Variants in GPR149 observed in about 807,000 individuals in gnomAD.
GPR149 encodes G protein-coupled receptor 149, also known as probable G protein-coupled receptor 149.
In GPR149, 50 loss-of-function variants were observed where a neutral mutation model predicts 50.2. The observed-to-expected ratio is 1.00, with a 90% confidence interval of 0.79 to 1.26. The LOEUF (loss-of-function observed/expected upper bound fraction) is 1.26, where lower values mean the gene tolerates loss of function less well. Among genes scored for constraint, GPR149 ranks in the 50% most tolerant of loss-of-function variants. The pLI is 0.00. For synonymous variants in GPR149, 405 were observed against 358.2 expected, an observed-to-expected ratio of 1.13 and a Z score of -1.48; for missense variants, 983 against 895.4, an observed-to-expected ratio of 1.10 and a Z score of -1.25.
chr3:154,422,013 T>C lies in GPR149; in HGVS notation c.1175-526A>G, dbSNP rs115854783. Among the ~76,000 whole-genome samples the C allele has an allele frequency of 9.9e-3, 1,506 of 151,824 alleles. 13 individuals are homozygous for C. The highest frequency in any genetic ancestry group is 0.03 in the South Asian group (144 of 4,826). ...TGTCATTTATATGTCTATAAGTGCA[T>C]ACATTAAAAATTAGACTATACTGCA... On this transcript the variant is annotated intron_variant, in intron 2 of 3. Transcript: ENST00000389740.
At chr3:154,414,358 A>G (rs955425362) in intron 3 of GPR149, among the ~76,000 whole-genome samples, 3 of 152,194 alleles carry the variant, frequency 2.0e-5, no homozygotes, top group Non-Finnish European at 2.9e-5. Flanking sequence ...ATCAGGAATC[A>G]TGTATAAAAA....
At chr3:154,352,866 A>C in intron 3 of GPR149, 1 of 941,860 alleles carries the variant, frequency 1.1e-6, no homozygotes, top group South Asian at 1.3e-5. Context: ...TTGGTTGATA[A>C]AAACATATAC....
intron 3 of GPR149, among the ~76,000 whole-genome samples, chr3:154,390,115 T>A (rs1003458301): frequency 6.6e-6 from 1 of 152,148 alleles, no homozygotes; most frequent in African/African-American, 2.4e-5. Context: ...CTGGCTGGTC[T>A]GACTGGTGAG....
intron 3 of GPR149, among the ~76,000 whole-genome samples, chr3:154,344,767 C>T (rs1458674596): frequency 1.3e-5 from 2 of 152,122 alleles, no homozygotes; most frequent in African/African-American, 4.8e-5. Flanking sequence ...AAAGGATCCT[C>T]CCCAAGAGCT....
At chr3:154,340,695 G>T (rs368401531) in intron 3 of GPR149, among the ~76,000 whole-genome samples, 124 of 152,262 alleles carry the variant, frequency 8.1e-4, no homozygotes, top group African/African-American at 2.7e-3. Flanking sequence ...ATGTGAAATT[G>T]ATCTTAAAAA....
intron 3 of GPR149, among the ~76,000 whole-genome samples, chr3:154,387,028 A>C (rs1273481607): frequency 6.6e-6 from 1 of 152,166 alleles, no homozygotes; most frequent in Admixed American, 6.5e-5. Flanking sequence ...TTATGCTACA[A>C]CATATGTTAA....
At chr3:154,424,060 G>C (rs1050629263) in intron 2 of GPR149, among the ~76,000 whole-genome samples, 1 of 151,778 alleles carries the variant, frequency 6.6e-6, no homozygotes, top group Non-Finnish European at 1.5e-5. Flanking sequence ...CCAGTTGTGG[G>C]GAGATTAGGG....
chr3:154,370,744 T>G (rs1292556842), intron 3 of GPR149, among the ~76,000 whole-genome samples: 2 of 152,116 alleles, frequency 1.3e-5, no homozygotes, highest in Non-Finnish European at 2.9e-5. Flanking sequence ...AGTTTTAATC[T>G]CCTGCCCTGA....
At chr3:154,370,612 C>T (rs1170137224) in intron 3 of GPR149, among the ~76,000 whole-genome samples, 7 of 152,142 alleles carry the variant, frequency 4.6e-5, no homozygotes. Context: ...GATTCAGCAA[C>T]AGGACTGAAT....
chr3:154,363,798 G>A (rs904369604), intron 3 of GPR149, among the ~76,000 whole-genome samples: 1 of 152,106 alleles, frequency 6.6e-6, no homozygotes, highest in African/African-American at 2.4e-5. Flanking sequence ...GGACAAATCA[G>A]CGTGCATTCC....
chr3:154,358,508 A>C (rs1388958034), intron 3 of GPR149, among the ~76,000 whole-genome samples: 1 of 152,156 alleles, frequency 6.6e-6, no homozygotes, highest in Non-Finnish European at 1.5e-5. Flanking sequence ...TACAGATCCA[A>C]GATACTTGAA....
At chr3:154,401,299 G>T (rs1711546081) in intron 3 of GPR149, among the ~76,000 whole-genome samples, 1 of 152,242 alleles carries the variant, frequency 6.6e-6, no homozygotes, top group East Asian at 1.9e-4. Context: ...GTATAGAAAA[G>T]GTGGCTCTTG....
At chr3:154,352,820 C>G (rs948561404) in intron 3 of GPR149, 10 of 897,044 alleles carry the variant, frequency 1.1e-5, no homozygotes, top group African/African-American at 1.6e-5. Context: ...GTAATTCTTG[C>G]TTTTTGTTCC....
intron 3 of GPR149, among the ~76,000 whole-genome samples, chr3:154,379,837 T>C (rs1049141948): frequency 6.6e-6 from 1 of 152,148 alleles, no homozygotes; most frequent in Non-Finnish European, 1.5e-5. Context: ...AATTACTGTG[T>C]CTTTATAGCG....
chr3:154,346,102 G>A (rs1207467750), intron 3 of GPR149, among the ~76,000 whole-genome samples: 1 of 152,142 alleles, frequency 6.6e-6, no homozygotes. Flanking sequence ...CCAAATGACT[G>A]ACAATTTTAA....
chr3:154,424,378 G>A (rs2108431226), intron 2 of GPR149, among the ~76,000 whole-genome samples: 1 of 151,908 alleles, frequency 6.6e-6, no homozygotes, highest in Middle Eastern at 3.4e-3. Context: ...TGGTGTGATA[G>A]GAATGGTTTG....
intron 3 of GPR149, among the ~76,000 whole-genome samples, chr3:154,380,202 GAGAGAGAGAA>G (rs1468103084): frequency 6.9e-6 from 1 of 145,150 alleles, no homozygotes. Context: ...GAGAGAGAGA[GAGAGAGAGAA>G]TTTTCCATTG....
At chr3:154,340,523 A>G (rs1318499039) in intron 3 of GPR149, among the ~76,000 whole-genome samples, 1 of 152,232 alleles carries the variant, frequency 6.6e-6, no homozygotes, top group Admixed American at 6.5e-5. Context: ...CATTGGATGT[A>G]TGGAGATGCT....
chr3:154,410,212 A>G (rs1231196046), intron 3 of GPR149, among the ~76,000 whole-genome samples: 1 of 152,180 alleles, frequency 6.6e-6, no homozygotes, highest in Non-Finnish European at 1.5e-5. Context: ...AGCCAGCACT[A>G]CAAGAACTGC....
Sources: gnomAD v4.1 joint callset for allele counts (sites outside exome capture counted in the v4.1 genomes callset) on GRCh38, gnomAD v4.1.1 for gene constraint, MANE v1.5 for transcripts, NCBI Gene and HGNC (gene_info 2026-07-23, HGNC 2026-07-21) for gene names.